The following FOXN3 variants were observed in gnomAD, a reference collection of about 807,000 sequenced individuals.
The protein encoded by FOXN3 is forkhead box N3.
A neutral mutation model predicts 38.4 loss-of-function variants in FOXN3; 7 were observed. The ratio of observed to expected loss-of-function variants is 0.18; its 90% confidence interval spans 0.10 to 0.34. The LOEUF (loss-of-function observed/expected upper bound fraction) is 0.34. Among genes scored for constraint, FOXN3 ranks in the 10% least tolerant of loss-of-function variants. FOXN3 has a pLI of 1.00. For synonymous variants in FOXN3, 230 were observed against 242.2 expected (o/e 0.95, Z 0.47); for missense variants, 456 against 613.4 (o/e 0.74, Z 2.71).
At chr14:89,290,384 A>G in intron 3 of FOXN3, 1 of 363,538 alleles carries the variant, frequency 2.8e-6, no homozygotes, top group Non-Finnish European at 5.4e-6. Flanking sequence ...TATTAGTGGA[A>G]ATTGCTGGTA....
At chr14:89,467,941 C>T (rs1893013116) in intron 1 of FOXN3, among the ~76,000 whole-genome samples, 1 of 150,750 alleles carries the variant, frequency 6.6e-6, no homozygotes, top group East Asian at 2.0e-4. Context: ...TGAGCTAGCA[C>T]TCCTGGCATT....
chr14:89,403,924 A>C (rs1891315744), intron 2 of FOXN3, among the ~76,000 whole-genome samples: 2 of 152,174 alleles, frequency 1.3e-5, no homozygotes, highest in Admixed American at 1.3e-4. Context: ...CAGAGAATAC[A>C]AAGGGCATAC....
chr14:89,498,409 G>A (rs1893732249), intron 1 of FOXN3, among the ~76,000 whole-genome samples: 2 of 151,822 alleles, frequency 1.3e-5, no homozygotes, highest in South Asian at 4.2e-4. Context: ...ATTTTTAGTA[G>A]AGATGGGGTT....
At chr14:89,279,433 A>G (rs1032378635) in intron 4 of FOXN3, among the ~76,000 whole-genome samples, 1 of 152,228 alleles carries the variant, frequency 6.6e-6, no homozygotes, top group African/African-American at 2.4e-5. Context: ...TGAATGAATA[A>G]AAATCGTGAG....
At chr14:89,288,712 CTCTCTCTCTCTCTATATA>C (rs1886743814) in intron 3 of FOXN3, among the ~76,000 whole-genome samples, 44 of 69,090 alleles carry the variant, frequency 6.4e-4, no homozygotes, top group Non-Finnish European at 8.9e-4. Flanking sequence ...CTCTCTCTCT[CTCTCTCTCTCTCTATATA>C]TATATATATA....
intron 1 of FOXN3, among the ~76,000 whole-genome samples, chr14:89,475,871 C>A (rs1401332187): frequency 6.6e-6 from 1 of 152,136 alleles, no homozygotes; most frequent in Non-Finnish European, 1.5e-5. Context: ...CAAGACTGAT[C>A]CAGGAGAGAG....
chr14:89,396,477 T>C (rs1426872192), intron 2 of FOXN3, among the ~76,000 whole-genome samples: 2 of 152,182 alleles, frequency 1.3e-5, no homozygotes, highest in Non-Finnish European at 2.9e-5. Flanking sequence ...AAAAGAACTC[T>C]ATCAGAGTAT....
chr14:89,229,890 G>A (rs1884757303), intron 4 of FOXN3, among the ~76,000 whole-genome samples: 2 of 152,240 alleles, frequency 1.3e-5, no homozygotes, highest in African/African-American at 4.8e-5. Flanking sequence ...AGGCAGAGGA[G>A]AACAGCTCAG....
At chr14:89,203,200 G>A (rs1888279593) in intron 4 of FOXN3, among the ~76,000 whole-genome samples, 1 of 152,170 alleles carries the variant, frequency 6.6e-6, no homozygotes, top group Non-Finnish European at 1.5e-5. Context: ...ACTCCAGGGG[G>A]CTGAAACCCG....
intron 1 of FOXN3, among the ~76,000 whole-genome samples, chr14:89,607,115 AACAGAGAC>A (rs1404450358): frequency 6.6e-6 from 1 of 152,216 alleles, no homozygotes; most frequent in Non-Finnish European, 1.5e-5. Flanking sequence ...AATATGAAAC[AACAGAGAC>A]ACTTAATGTT....
At chr14:89,405,114 G>A (rs1231834530) in intron 2 of FOXN3, among the ~76,000 whole-genome samples, 3 of 151,984 alleles carry the variant, frequency 2.0e-5, no homozygotes, top group Non-Finnish European at 4.4e-5. Flanking sequence ...ACACATAGAG[G>A]TGCAACCTCA....
Position 89,162,586 on chromosome 14 carries a change from G to A in FOXN3, c.1235C>T (p.Thr412Ile). The A allele has an allele frequency of 6.2e-7, 1 of 1,614,020 alleles. No individual in the cohort carries two copies. The highest frequency in any genetic ancestry group is 1.1e-5 in the South Asian group (1 of 91,040). Residue 412 changes from threonine to isoleucine, a missense_variant, in exon 6 of 6, where the codon ACA becomes ATA. Around this residue, in one of 3 missense-constraint regions of FOXN3, gnomAD observed 386 missense variants for 505.2 expected, o/e 0.76. Coordinates refer to ENST00000557258, the MANE Select transcript of FOXN3 (RefSeq NM_005197.4). This position sits in a 1 kb window ranked among gnomAD's most constrained non-coding sequence, Gnocchi z 7.2. ...FAKARKVPSD[T>I]LPLKKRRTEK... Reference sequence around the variant, plus strand: ...GGTGCGTCTCTTTTTGAGGGGCAGTGTGTCGCTGGGGACCTTCCTGGCCTT... The same window carrying A: ...GGTGCGTCTCTTTTTGAGGGGCAGTATGTCGCTGGGGACCTTCCTGGCCTT...
Position 89,440,743 on chromosome 14 carries a change from A to C in FOXN3, c.-14-28253T>G, listed in dbSNP as rs1244130437. 3.9e-5 allele frequency among the ~76,000 whole-genome samples: 6 copies of C among 152,200 alleles called. No homozygotes were observed. The East Asian group carries it at 1.2e-3, about 29-fold the overall frequency. ...AGCCCACCTGCACCCAGGTGAAATAAACAGCCTTGTTGCTCACACAAAGCC... is the reference window on the plus strand; with the variant it reads ...AGCCCACCTGCACCCAGGTGAAATACACAGCCTTGTTGCTCACACAAAGCC... On this transcript the variant is annotated intron_variant, in intron 1 of 6. Transcript: ENST00000345097.
At chr14:89,332,164 T>G (rs1888266130) in intron 3 of FOXN3, among the ~76,000 whole-genome samples, 1 of 152,236 alleles carries the variant, frequency 6.6e-6, no homozygotes, top group African/African-American at 2.4e-5. Context: ...TGCAATATTC[T>G]ATGATTAAGA....
At chr14:89,402,727 G>A (rs747373064) in intron 2 of FOXN3, among the ~76,000 whole-genome samples, 3 of 152,200 alleles carry the variant, frequency 2.0e-5, no homozygotes, top group African/African-American at 7.2e-5. Flanking sequence ...TGGACCATGA[G>A]AAGACTGAGA....
At chr14:89,224,215 A>G (rs931579471) in intron 4 of FOXN3, among the ~76,000 whole-genome samples, 1 of 152,248 alleles carries the variant, frequency 6.6e-6, no homozygotes, top group Non-Finnish European at 1.5e-5. Flanking sequence ...GAGTCAGGCA[A>G]TTGAGTACTT....
chr14:89,244,015 A>G (rs558129440), intron 4 of FOXN3, among the ~76,000 whole-genome samples: 57 of 152,326 alleles, frequency 3.7e-4, no homozygotes, highest in African/African-American at 1.3e-3. Flanking sequence ...CACTGATGCT[A>G]AGGTGGCTTT....
chr14:89,387,044 G>A (rs8011128), intron 2 of FOXN3, among the ~76,000 whole-genome samples: 56,555 of 151,806 alleles, frequency 0.37, 12,928 homozygotes, highest in Admixed American at 0.52. Context: ...ATCACTTGAG[G>A]TCAGGAGTTC....
At chr14:89,468,401 C>T (rs1893024604) in intron 1 of FOXN3, among the ~76,000 whole-genome samples, 1 of 151,960 alleles carries the variant, frequency 6.6e-6, no homozygotes, top group African/African-American at 2.4e-5. Context: ...CTGCAGTGAG[C>T]CGAGATCAAG....
Sources: gnomAD v4.1 joint callset for allele counts (sites outside exome capture counted in the v4.1 genomes callset) on GRCh38, gnomAD v4.1.1 for gene constraint, gnomAD v4.1.1 regional missense constraint, Gnocchi (gnomAD v3.1) non-coding constraint, MANE v1.5 for transcripts, NCBI Gene and HGNC (gene_info 2026-07-23, HGNC 2026-07-21) for gene names.